Variants in CHMP4B observed in about 807,000 individuals in gnomAD.
CHMP4B encodes charged multivesicular body protein 4B.
CHMP4B carries 1 observed loss-of-function variant against 25.1 expected under a neutral mutation model. The ratio of observed to expected loss-of-function variants is 0.04; its 90% CI spans 0.01 to 0.19. The LOEUF (loss-of-function observed/expected upper bound fraction) is 0.19. Among genes scored for constraint, CHMP4B ranks in the 10% least tolerant of loss-of-function variants. CHMP4B has a pLI of 1.00. For missense variants in CHMP4B, 151 were observed against 289.7 expected, an observed-to-expected ratio of 0.52 and a Z score of 3.48; for synonymous variants, 101 against 115.6, an observed-to-expected ratio of 0.87 and a Z score of 0.81.
intron 1 of CHMP4B, among the ~76,000 whole-genome samples, chr20:33,838,068 G>A (rs1441139704): frequency 2.6e-5 from 4 of 152,166 alleles, no homozygotes; most frequent in African/African-American, 7.2e-5. Flanking sequence ...AGCCAGATTC[G>A]GAATCACAGG....
At chr20:33,844,801 C>G (rs1384083104) in intron 1 of CHMP4B, among the ~76,000 whole-genome samples, 1 of 151,534 alleles carries the variant, frequency 6.6e-6, no homozygotes, top group Non-Finnish European at 1.5e-5. Flanking sequence ...CTCTGTCGCC[C>G]AGGCTGGAGT....
rs370673386 is a variant in CHMP4B, at chr20:33,848,640, A to T, written c.364A>T (p.Asn122Tyr). The change falls in exon 2 of 5, where the codon AAC becomes TAC. Residue 122 changes from asparagine to tyrosine, a missense_variant. Around this residue, in one of 3 missense-constraint regions of CHMP4B, gnomAD observed 82 missense variants for 208.3 expected, o/e 0.39. Transcript: ENST00000217402. ...CAAGGCCATGAAGGCGGCCCATGAC[A>T]ACATGTACGTGTCCACCCGCCCCTG... The part of the protein sequence containing the change: ...AAKAMKAAHD[N>Y]MDIDKVDELM... The T allele has an allele frequency of 1.2e-6, 2 of 1,614,234 alleles. No homozygotes were observed. Among genetic ancestry groups the T allele is most frequent in the African/African-American group, 2.7e-5 (2 of 75,060 alleles).
chr20:33,835,089 C>T (rs1481133269), intron 1 of CHMP4B, among the ~76,000 whole-genome samples: 1 of 152,206 alleles, frequency 6.6e-6, no homozygotes, highest in Admixed American at 6.5e-5. Flanking sequence ...AGCCATCGCA[C>T]CTGGCCTATG....
intron 1 of CHMP4B, among the ~76,000 whole-genome samples, chr20:33,841,351 G>A (rs1568610084): frequency 6.6e-6 from 1 of 152,190 alleles, no homozygotes; most frequent in Non-Finnish European, 1.5e-5. Context: ...TCACAGAGAA[G>A]GAGGCTGCTC....
rs1268006929 is a variant in CHMP4B at position 33,854,006 on chromosome 20, C to T, written c.*446C>T. 3 of 249,182 alleles carry T rather than the reference C, an allele frequency of 1.2e-5. No individual in the cohort carries two copies. Among genetic ancestry groups the T allele is most frequent in the Non-Finnish European group, 2.4e-5 (3 of 124,886 alleles). 15.4% of individuals were successfully genotyped at this position (249,182 alleles called of 1,614,324 possible). On this transcript the variant is annotated 3_prime_UTR_variant, in exon 5 of 5. Coordinates refer to ENST00000217402, the MANE Select transcript of CHMP4B (RefSeq NM_176812.5). ...GGCAGAAAAGTCATTTTTCAAAAGCCATAGGCTTTTCCTTGCCCTTAGCTG... is the reference window on the plus strand; with the variant it reads ...GGCAGAAAAGTCATTTTTCAAAAGCTATAGGCTTTTCCTTGCCCTTAGCTG...
chr20:33,820,099 A>T (rs989895202), intron 1 of CHMP4B, among the ~76,000 whole-genome samples: 1 of 151,918 alleles, frequency 6.6e-6, no homozygotes, highest in Non-Finnish European at 1.5e-5. Flanking sequence ...AATGGTGTGA[A>T]CCCGAGAGCC....
At chr20:33,820,837 A>G (rs909150287) in intron 1 of CHMP4B, among the ~76,000 whole-genome samples, 13 of 152,250 alleles carry the variant, frequency 8.5e-5, no homozygotes, top group Non-Finnish European at 5.9e-5. Flanking sequence ...AACTATTTGC[A>G]GTACTTTAAA....
At position 33,853,617 on chromosome 20, in the gene CHMP4B, G is replaced by A. The variant is rs1365641323; in HGVS notation, c.*57G>A. On this transcript the variant is annotated 3_prime_UTR_variant, in exon 5 of 5. Transcript: ENST00000217402. The stretch of plus-strand genomic sequence containing the variant: ...CTGTGGTGGCCTGCGCAGCGAGCAG[G>A]CGTGTGCGTGTGTGGGGCAGGCAGG... 3.4e-6 allele frequency: 5 copies of A among 1,470,466 alleles called. No individual in the cohort carries two copies. The African/African-American group carries it at 5.6e-5, about 16-fold the overall frequency. 91.1% of individuals were successfully genotyped at this position (1,470,466 alleles called of 1,614,324 possible). A position where few individuals can be genotyped will look rare whatever the true frequency, so the allele number is the denominator to read the frequency against.
chr20:33,821,753 T>C (rs1287123143), intron 1 of CHMP4B, among the ~76,000 whole-genome samples: 2 of 152,178 alleles, frequency 1.3e-5, no homozygotes, highest in Non-Finnish European at 2.9e-5. Context: ...CGAGACCCTA[T>C]CTCTATTTTT....
intron 1 of CHMP4B, among the ~76,000 whole-genome samples, chr20:33,819,845 G>T (rs567923332): frequency 2.6e-5 from 4 of 152,134 alleles, no homozygotes; most frequent in Non-Finnish European, 4.4e-5. Context: ...CAAAGTGTGG[G>T]CTATGGAGAC....
intron 1 of CHMP4B, among the ~76,000 whole-genome samples, chr20:33,833,071 G>T (rs1979300882): frequency 6.6e-6 from 1 of 152,008 alleles, no homozygotes; most frequent in Admixed American, 6.6e-5. Flanking sequence ...TTGTAGGTGT[G>T]AGCCACCACG....
intron 1 of CHMP4B, among the ~76,000 whole-genome samples, chr20:33,821,743 C>T (rs1478310864): frequency 2.6e-5 from 4 of 152,120 alleles, no homozygotes; most frequent in South Asian, 2.1e-4. Flanking sequence ...GGCATCAAAG[C>T]GAGACCCTAT....
chr20:33,829,600 C>T (rs1012954381), intron 1 of CHMP4B, among the ~76,000 whole-genome samples: 3 of 152,182 alleles, frequency 2.0e-5, no homozygotes, highest in Admixed American at 6.5e-5. Flanking sequence ...TATGTGAAAC[C>T]AGACCCCAGA....
chr20:33,849,056 A>G (rs1160028489), intron 2 of CHMP4B, among the ~76,000 whole-genome samples: 1 of 152,108 alleles, frequency 6.6e-6, no homozygotes, highest in Non-Finnish European at 1.5e-5. Flanking sequence ...GGGCCCTGAA[A>G]TGTGTGGTTC....
intron 1 of CHMP4B, among the ~76,000 whole-genome samples, chr20:33,845,321 C>CA (rs1555792568): frequency 1.3e-5 from 2 of 148,928 alleles, no homozygotes; most frequent in Non-Finnish European, 3.0e-5. Context: ...CTTGGTGAAT[C>CA]TTTTTTTTTT....
At position 33,848,543 on chromosome 20, in the gene CHMP4B, C is replaced by T. The variant is rs760627719; in HGVS notation, c.267C>T (p.Ile89=). 11 of 1,614,108 alleles carry T rather than the reference C, an allele frequency of 6.8e-6. No individual in the cohort carries two copies. The highest frequency in any genetic ancestry group is 3.3e-5 in the South Asian group (3 of 91,090). The change falls in exon 2 of 5, where the codon ATC becomes ATT. Residue 89 remains isoleucine (I), a synonymous_variant. Coordinates refer to ENST00000217402, the MANE Select transcript of CHMP4B (RefSeq NM_176812.5). ...LAQIDGTLST[I]EFQREALENA... ...AGATCGACGGCACATTATCAACCATCGAGTTCCAGCGGGAGGCCCTGGAGA... is the reference window on the plus strand; with the variant it reads ...AGATCGACGGCACATTATCAACCATTGAGTTCCAGCGGGAGGCCCTGGAGA...
At chr20:33,845,385 C>T (rs897505284) in intron 1 of CHMP4B, among the ~76,000 whole-genome samples, 4 of 151,220 alleles carry the variant, frequency 2.6e-5, no homozygotes, top group South Asian at 2.1e-4. Context: ...TTCAGTGGCA[C>T]GGTCTCAGCT....
intron 1 of CHMP4B, among the ~76,000 whole-genome samples, chr20:33,825,804 A>G (rs1044206595): frequency 6.6e-6 from 1 of 152,212 alleles, no homozygotes. Flanking sequence ...TTCTCTGACA[A>G]GAACCATTGT....
intron 1 of CHMP4B, among the ~76,000 whole-genome samples, chr20:33,818,788 C>T (rs2089759985): frequency 6.6e-6 from 1 of 152,202 alleles, no homozygotes; most frequent in South Asian, 2.1e-4. Flanking sequence ...GTGTTTATGT[C>T]TCAAGCCTGC....
Sources: gnomAD v4.1 joint callset for allele counts (sites outside exome capture counted in the v4.1 genomes callset) on GRCh38, gnomAD v4.1.1 for gene constraint, gnomAD v4.1.1 regional missense constraint, MANE v1.5 for transcripts, NCBI Gene and HGNC (gene_info 2026-07-23, HGNC 2026-07-21) for gene names.